RAB20: variants seen among roughly 807,000 people sequenced by gnomAD.
The protein encoded by RAB20 is ras-related protein Rab-20.
In RAB20, 2 loss-of-function variants were observed where a neutral mutation model predicts 3.7. The ratio of observed to expected loss-of-function variants is 0.54; its 90% confidence interval spans 0.22 to 1.69. The LOEUF is 1.69. Among genes scored for constraint, RAB20 ranks in the 40% most tolerant of loss-of-function variants. The pLI, the probability that RAB20 is intolerant of heterozygous loss-of-function variation, is 0.19. For synonymous variants in RAB20, 126 were observed against 130.8 expected (o/e 0.96, Z 0.25); for missense variants, 276 against 311.9 (o/e 0.88, Z 0.87).
chr13:110,560,338 G>A (rs537382793), intron 1 of RAB20, among the ~76,000 whole-genome samples: 1 of 152,284 alleles, frequency 6.6e-6, no homozygotes, highest in East Asian at 1.9e-4. Flanking sequence ...GGGGAGAACT[G>A]GAAGTACCTC....
Position 110,523,972 on chromosome 13 carries a change from G to T in RAB20, c.398C>A (p.Pro133His). ...GACACGGTCCCCAGCGTCCATATTG[G>T]GACTGCACTCTTCCTTCTCCTGGCC... ...LAGQEKEECS[P>H]NMDAGDRVSP... Residue 133 changes from proline (P) to histidine (H), a missense_variant, in exon 2 of 2, where the codon CCC becomes CAC. By Grantham distance (77) the Pro-to-His change is moderately conservative. Coordinates refer to ENST00000267328, the MANE Select transcript of RAB20 (RefSeq NM_017817.3). 1 of 1,614,144 alleles carries T rather than the reference G, an allele frequency of 6.2e-7. No individual in the cohort carries two copies. The highest frequency in any genetic ancestry group is 8.5e-7 in the Non-Finnish European group (1 of 1,180,024).
intron 1 of RAB20, among the ~76,000 whole-genome samples, chr13:110,545,473 G>A (rs1466012743): frequency 3.9e-5 from 6 of 152,206 alleles, no homozygotes; most frequent in Admixed American, 2.0e-4. Flanking sequence ...TCCCCAACTG[G>A]ACTGCGTATT....
chr13:110,525,427 A>G (rs977512398), intron 1 of RAB20, among the ~76,000 whole-genome samples: 29 of 152,230 alleles, frequency 1.9e-4, no homozygotes, highest in Non-Finnish European at 4.4e-5. Context: ...TCTGTTCCCA[A>G]CGTCTGCCCC....
chr13:110,549,944 G>C (rs1237983017), intron 1 of RAB20, among the ~76,000 whole-genome samples: 1 of 152,104 alleles, frequency 6.6e-6, no homozygotes, highest in South Asian at 2.1e-4. Flanking sequence ...GGCTGGTCTT[G>C]AACTTCTGCC....
At chr13:110,535,626 C>T (rs1884625985) in intron 1 of RAB20, among the ~76,000 whole-genome samples, 1 of 152,216 alleles carries the variant, frequency 6.6e-6, no homozygotes, top group Admixed American at 6.5e-5. Context: ...ACAGCTTGGG[C>T]CCTTCCATTA....
rs143036034 is a variant in RAB20 at position 110,538,162 on chromosome 13, C to T, written c.173-13965G>A. Among the ~76,000 whole-genome samples the T allele has an allele frequency of 3.8e-3, 569 of 149,616 alleles. 3 individuals carry two copies. Among genetic ancestry groups the T allele is most frequent in the African/African-American group, 0.013 (539 of 40,566 alleles). On this transcript the variant is annotated intron_variant, in intron 1 of 1. Transcript: ENST00000267328. ...GCTGAGGCAGGAGGATCACTTGAGC[C>T]TGGGAGGTCAAGGCTGCAGTGAGCC... is the stretch of plus-strand genomic sequence containing the variant.
intron 1 of RAB20, among the ~76,000 whole-genome samples, chr13:110,540,885 A>G (rs549586176): frequency 3.2e-4 from 48 of 152,232 alleles, no homozygotes; most frequent in Non-Finnish European, 5.7e-4. Flanking sequence ...CTGGAAGAGC[A>G]TGCTCTCCAC....
At chr13:110,559,063 G>A (rs1318811090) in intron 1 of RAB20, among the ~76,000 whole-genome samples, 1 of 152,162 alleles carries the variant, frequency 6.6e-6, no homozygotes, top group Non-Finnish European at 1.5e-5. Flanking sequence ...ATAGGGTAAT[G>A]TACTTCTGCC....
intron 1 of RAB20, among the ~76,000 whole-genome samples, chr13:110,527,702 C>A (rs1884453473): frequency 1.3e-5 from 2 of 152,094 alleles, no homozygotes; most frequent in Non-Finnish European, 2.9e-5. Context: ...CTGGACTGGA[C>A]CCCAGCAGGC....
chr13:110,560,703 G>C (rs142098260), intron 1 of RAB20, among the ~76,000 whole-genome samples: 78 of 152,158 alleles, frequency 5.1e-4, no homozygotes, highest in African/African-American at 1.8e-3. Context: ...CTTTTGAAAA[G>C]TCACAAATAC....
In RAB20 at chr13:110,524,097, C is replaced by A. The variant is rs762226857; in HGVS notation, c.273G>T (p.Leu91=). ...CTGTCAGGCCCAGGAACCGGTCCTC[C>A]AGCTCCACCAGGCTCTGCCGGTGAT... ...DVNHRQSLVE[L]EDRFLGLTDT... is the part of the protein sequence containing the mutation. The change falls in exon 2 of 2, where the codon CTG becomes CTT. Residue 91 remains leucine, a synonymous_variant. Coordinates refer to ENST00000267328, the MANE Select transcript of RAB20 (RefSeq NM_017817.3). 15 of 1,613,448 alleles carry A rather than the reference C, an allele frequency of 9.3e-6. No homozygotes were observed. In the South Asian group the frequency reaches 1.5e-4, roughly 17 times the overall value.
chr13:110,554,675 T>C (rs1206329584), intron 1 of RAB20, among the ~76,000 whole-genome samples: 1 of 152,128 alleles, frequency 6.6e-6, no homozygotes, highest in Non-Finnish European at 1.5e-5. Context: ...GTTGTTCAGG[T>C]AAAGAGAAAG....
In RAB20 at chr13:110,524,147, C is replaced by T. The variant is rs373875505; in HGVS notation, c.223G>A (p.Ala75Thr). 4.4e-6 allele frequency: 7 copies of T among 1,607,612 alleles called. No individual in the cohort carries two copies. The highest frequency in any genetic ancestry group is 1.7e-4 in the Middle Eastern group (1 of 6,054). The part of the protein sequence containing the change: ...LGSMYCRGAA[A>T]IILTYDVNHR... The stretch of plus-strand genomic sequence containing the variant: ...TTCACATCATAGGTGAGGATGATGG[C>T]GGCCGCCCCCCGGCAGTACATGGAG... Residue 75 changes from alanine to threonine, a missense_variant, in exon 2 of 2, where the codon GCC becomes ACC. Physicochemically the swap from Ala to Thr is moderately conservative, Grantham distance 58. Transcript: ENST00000267328.
chr13:110,539,636 T>C (rs1884720642), intron 1 of RAB20, among the ~76,000 whole-genome samples: 1 of 151,022 alleles, frequency 6.6e-6, no homozygotes, highest in South Asian at 2.1e-4. Flanking sequence ...CTCGGCTCAC[T>C]GCAACCTCCG....
intron 1 of RAB20, among the ~76,000 whole-genome samples, chr13:110,534,043 G>T (rs1008408643): frequency 6.6e-6 from 1 of 152,198 alleles, no homozygotes; most frequent in African/African-American, 2.4e-5. Flanking sequence ...GTCGGGCCCC[G>T]GTGCCCAGCA....
chr13:110,537,408 C>A (rs1043199936), intron 1 of RAB20, among the ~76,000 whole-genome samples: 93 of 151,958 alleles, frequency 6.1e-4, no homozygotes, highest in African/African-American at 2.2e-3. Flanking sequence ...AGTTCATTGT[C>A]CTTCTTCAGA....
At chr13:110,558,902 T>G (rs1054787742) in intron 1 of RAB20, among the ~76,000 whole-genome samples, 2 of 150,848 alleles carry the variant, frequency 1.3e-5, no homozygotes, top group African/African-American at 4.9e-5. Context: ...TTCACCATGT[T>G]AGCCAGGATG....
At chr13:110,525,226 G>A (rs1884407165) in intron 1 of RAB20, among the ~76,000 whole-genome samples, 1 of 152,258 alleles carries the variant, frequency 6.6e-6, no homozygotes, top group South Asian at 2.1e-4. Flanking sequence ...CAGCGCTAGA[G>A]GGAGGCTGGG....
intron 1 of RAB20, among the ~76,000 whole-genome samples, chr13:110,530,461 C>T (rs1308166108): frequency 1.5e-3 from 111 of 74,300 alleles, no homozygotes; most frequent in Middle Eastern, 9.3e-3. Context: ...TCCCACCCGC[C>T]CCACCTCTAC....
Sources: gnomAD v4.1 joint callset for allele counts (sites outside exome capture counted in the v4.1 genomes callset) on GRCh38, gnomAD v4.1.1 for gene constraint, MANE v1.5 for transcripts, NCBI Gene and HGNC (gene_info 2026-07-23, HGNC 2026-07-21) for gene names.